The following IGF2BP3 variants were observed in gnomAD, a reference collection of about 807,000 sequenced individuals.
IGF2BP3 encodes the protein insulin-like growth factor 2 mRNA-binding protein 3.
IGF2BP3 carries 9 observed loss-of-function variants against 73.8 expected under a neutral mutation model. The ratio of observed to expected loss-of-function variants is 0.12; its 90% confidence interval spans 0.07 to 0.21. The LOEUF is 0.21. Among genes scored for constraint, IGF2BP3 ranks in the 10% least tolerant of loss-of-function variants. IGF2BP3 has a pLI of 1.00. For missense variants in IGF2BP3, 542 were observed against 714.0 expected (o/e 0.76, Z 2.75); for synonymous variants, 258 against 256.7 (o/e 1.01, Z -0.05).
At chr7:23,396,767 A>AGAAG (rs1250393257) in intron 3 of IGF2BP3, among the ~76,000 whole-genome samples, 1 of 152,194 alleles carries the variant, frequency 6.6e-6, no homozygotes, top group Non-Finnish European at 1.5e-5. Context: ...TGAAGCTAAG[A>AGAAG]GAAGGATGGG....
intron 3 of IGF2BP3, among the ~76,000 whole-genome samples, chr7:23,417,906 C>T (rs1340255280): frequency 6.6e-6 from 1 of 152,174 alleles, no homozygotes; most frequent in Non-Finnish European, 1.5e-5. Flanking sequence ...AAAGCTTAAT[C>T]TCAATAATAC....
At chr7:23,397,500 C>A (rs890504680) in intron 3 of IGF2BP3, among the ~76,000 whole-genome samples, 2 of 152,204 alleles carry the variant, frequency 1.3e-5, no homozygotes, top group African/African-American at 4.8e-5. Context: ...TATACCAACA[C>A]ATGCCTCCTT....
intron 9 of IGF2BP3, among the ~76,000 whole-genome samples, chr7:23,342,483 C>A (rs986412300): frequency 6.6e-6 from 1 of 152,142 alleles, no homozygotes; most frequent in Non-Finnish European, 1.5e-5. Flanking sequence ...TTAGACAAAA[C>A]CGTATTCTGC....
intron 10 of IGF2BP3, among the ~76,000 whole-genome samples, chr7:23,337,236 C>T (rs924182902): frequency 2.6e-5 from 4 of 152,064 alleles, no homozygotes; most frequent in African/African-American, 9.7e-5. Flanking sequence ...GAACATTAAG[C>T]CAGAAAATTG....
chr7:23,459,755 TGA>T (rs1269062395), intron 2 of IGF2BP3, among the ~76,000 whole-genome samples: 1 of 151,932 alleles, frequency 6.6e-6, no homozygotes, highest in African/African-American at 2.4e-5. Context: ...CACTTGAACC[TGA>T]GAGGAGGAGG....
intron 3 of IGF2BP3, among the ~76,000 whole-genome samples, chr7:23,367,093 C>T (rs1354111132): frequency 1.3e-5 from 2 of 151,614 alleles, no homozygotes; most frequent in East Asian, 3.9e-4. Flanking sequence ...ATTCTTGTGC[C>T]TCAGCTTCCT....
At chr7:23,328,322 C>G (rs1261458003) in intron 10 of IGF2BP3, among the ~76,000 whole-genome samples, 1 of 152,180 alleles carries the variant, frequency 6.6e-6, no homozygotes, top group Non-Finnish European at 1.5e-5. Context: ...GATTCTTCTG[C>G]TTCAGCCTCC....
intron 2 of IGF2BP3, among the ~76,000 whole-genome samples, chr7:23,429,520 A>C (rs1294547570): frequency 6.6e-6 from 1 of 152,216 alleles, no homozygotes; most frequent in African/African-American, 2.4e-5. Flanking sequence ...TAATCCAACC[A>C]ACAGCATAAC....
intron 3 of IGF2BP3, among the ~76,000 whole-genome samples, chr7:23,397,219 G>A (rs1786505350): frequency 6.6e-6 from 1 of 152,230 alleles, no homozygotes; most frequent in Non-Finnish European, 1.5e-5. Flanking sequence ...ACTTGGATAA[G>A]ACATCAAAGT....
intron 3 of IGF2BP3, among the ~76,000 whole-genome samples, chr7:23,387,510 A>G (rs1030443634): frequency 6.8e-6 from 1 of 148,112 alleles, no homozygotes; most frequent in South Asian, 2.1e-4. Context: ...TGGTTCTTTA[A>G]TTGTGACAAA....
In IGF2BP3 at chr7:23,342,269, A is replaced by G. The variant is rs1784732544; in HGVS notation, c.1078-80T>C. The G allele has an allele frequency of 2.1e-6, 3 of 1,454,584 alleles. No individual in the cohort carries two copies. The Admixed American group carries it at 5.1e-5, about 25-fold the overall frequency. 90.1% of individuals were successfully genotyped at this position (1,454,584 alleles called of 1,614,324 possible). ...GAGCATTTTTAAGTGACAGTATTCAAACTGATCTCTTGTCTAATAAAGAAA... is the reference window on the plus strand; with the variant it reads ...GAGCATTTTTAAGTGACAGTATTCAGACTGATCTCTTGTCTAATAAAGAAA... On this transcript the variant is annotated intron_variant, in intron 9 of 14. Coordinates refer to ENST00000258729, the MANE Select transcript of IGF2BP3 (RefSeq NM_006547.3).
chr7:23,315,806 G>A (rs1156271829), intron 12 of IGF2BP3, among the ~76,000 whole-genome samples: 2 of 152,120 alleles, frequency 1.3e-5, no homozygotes, highest in Non-Finnish European at 2.9e-5. Context: ...CCATTCCTTA[G>A]ATCTCTAAAG....
intron 2 of IGF2BP3, among the ~76,000 whole-genome samples, chr7:23,435,760 T>C (rs1183251815): frequency 6.8e-6 from 1 of 146,960 alleles, no homozygotes; most frequent in Middle Eastern, 3.9e-3. Context: ...CTGGCCTTTT[T>C]GTCTTTGTTT....
chr7:23,367,582 C>T lies in IGF2BP3; in HGVS notation c.286-5841G>A, dbSNP rs572813076. Among the ~76,000 whole-genome samples, 16 of 152,128 alleles carry T rather than the reference C, an allele frequency of 1.1e-4. No homozygotes were observed. The South Asian group carries it at 1.7e-3, about 16-fold the overall frequency. ...ATGCTTAGGTAAGTTTAAATTCCAA[C>T]GACAGGGGAGGGAGGAAGGGGTATA... On this transcript the variant is annotated intron_variant, in intron 3 of 14. Transcript: ENST00000258729.
rs193157361 is a variant in IGF2BP3 at position 23,391,203 on chromosome 7, G to C, written c.285+27573C>G. On this transcript the variant is annotated intron_variant, in intron 3 of 14. Coordinates refer to ENST00000258729, the MANE Select transcript of IGF2BP3 (RefSeq NM_006547.3). ...CAACCTCCACCCCCTGGGTTCAAGC[G>C]ATTCTTGTGCCTCAGCCTCCTGAGT... is the stretch of plus-strand genomic sequence containing the variant. Among the ~76,000 whole-genome samples, 15 of 150,022 alleles carry C rather than the reference G, an allele frequency of 1.0e-4. No individual in the cohort carries two copies. The East Asian group carries it at 3.0e-3, about 30-fold the overall frequency.
chr7:23,432,636 TA>T (rs1314538967), intron 2 of IGF2BP3, among the ~76,000 whole-genome samples: 1 of 151,380 alleles, frequency 6.6e-6, no homozygotes, highest in African/African-American at 2.4e-5. Context: ...CTTCATTTTT[TA>T]ATTTTTTTTT....
intron 5 of IGF2BP3, among the ~76,000 whole-genome samples, chr7:23,353,048 C>A (rs902901882): frequency 5.3e-5 from 8 of 152,156 alleles, no homozygotes; most frequent in African/African-American, 1.9e-4. Flanking sequence ...CAATACATCC[C>A]TTTTTAACTC....
chr7:23,329,969 A>T (rs1023725180), intron 10 of IGF2BP3, among the ~76,000 whole-genome samples: 1 of 152,162 alleles, frequency 6.6e-6, no homozygotes, highest in African/African-American at 2.4e-5. Flanking sequence ...GAAGCTCTCA[A>T]TGGGTATAGA....
chr7:23,387,744 A>G (rs1786133037), intron 3 of IGF2BP3, among the ~76,000 whole-genome samples: 1 of 152,232 alleles, frequency 6.6e-6, no homozygotes, highest in Admixed American at 6.5e-5. Flanking sequence ...GAAAGAAGCC[A>G]CTTGGTATGT....
Sources: allele counts gnomAD v4.1 joint callset (sites outside exome capture counted in the v4.1 genomes callset), GRCh38; gene constraint gnomAD v4.1.1; transcripts MANE v1.5; gene names NCBI Gene and HGNC (gene_info 2026-07-23, HGNC 2026-07-21).